SLC35D4: variants seen among roughly 807,000 people sequenced by gnomAD.
SLC35D4 encodes the protein UDP-N-acetylglucosamine transporter SLC35D4.
At chr18:23,273,292 A>C in the SLC35D4 span, among the ~76,000 whole-genome samples, 11 of 152,306 alleles carry the variant, frequency 7.2e-5, no homozygotes, top group Admixed American at 5.2e-4. Flanking sequence ...TTGAAGAGGA[A>C]GTACTCCTCG....
chr18:23,355,171 AC>A, the SLC35D4 span, among the ~76,000 whole-genome samples: 2 of 152,228 alleles, frequency 1.3e-5, no homozygotes, highest in African/African-American at 2.4e-5. Context: ...TAACAGAGTC[AC>A]ATCAATTCAA....
At chr18:23,398,249 A>G in the SLC35D4 span, among the ~76,000 whole-genome samples, 1 of 152,250 alleles carries the variant, frequency 6.6e-6, no homozygotes, top group Non-Finnish European at 1.5e-5. Flanking sequence ...CTGGAAGCCT[A>G]TGAAAAAAAG....
the SLC35D4 span, among the ~76,000 whole-genome samples, chr18:23,411,329 G>C: frequency 6.9e-6 from 1 of 144,954 alleles, no homozygotes; most frequent in Non-Finnish European, 1.5e-5. Context: ...GGAAGAGAAG[G>C]GAAGGGAAAG....
chr18:23,370,785 C>G, the SLC35D4 span, among the ~76,000 whole-genome samples: 1 of 152,068 alleles, frequency 6.6e-6, no homozygotes, highest in South Asian at 2.1e-4. Flanking sequence ...GGATATCTTC[C>G]CACCATTTCT....
the SLC35D4 span, among the ~76,000 whole-genome samples, chr18:23,287,894 T>C: frequency 6.6e-6 from 1 of 152,250 alleles, no homozygotes; most frequent in African/African-American, 2.4e-5. Context: ...AGGCTGGCCA[T>C]CATGTCTCCA....
chr18:23,437,590 C>T, the SLC35D4 span, among the ~76,000 whole-genome samples: 2 of 152,148 alleles, frequency 1.3e-5, no homozygotes, highest in Admixed American at 6.6e-5. Context: ...GTGCAGGAAA[C>T]GGGGACAGTA....
chr18:23,260,469 T>G, the SLC35D4 span: 1 of 152,338 alleles, frequency 6.6e-6, no homozygotes, highest in African/African-American at 2.4e-5. Flanking sequence ...TTGAATGCTC[T>G]GGCTGCTGAG....
chr18:23,398,604 C>A, the SLC35D4 span, among the ~76,000 whole-genome samples: 31 of 152,300 alleles, frequency 2.0e-4, no homozygotes, highest in African/African-American at 7.0e-4. Context: ...CCCATCTACT[C>A]AAGCTTATGA....
chr18:23,269,022 G>A, the SLC35D4 span, among the ~76,000 whole-genome samples: 26 of 152,184 alleles, frequency 1.7e-4, no homozygotes, highest in African/African-American at 5.3e-4. Context: ...TCACCGTTCC[G>A]TGGCCCAATG....
the SLC35D4 span, among the ~76,000 whole-genome samples, chr18:23,386,905 C>T: frequency 3.9e-5 from 6 of 151,964 alleles, no homozygotes; most frequent in Non-Finnish European, 5.9e-5. Context: ...ATTCTGTTGC[C>T]TTGTTTTTCA....
the SLC35D4 span, among the ~76,000 whole-genome samples, chr18:23,371,940 T>TTTTTTTTTTG: frequency 8.1e-5 from 2 of 24,586 alleles, no homozygotes; most frequent in Non-Finnish European, 2.3e-4. Flanking sequence ...TTTTTGTTTT[T>TTTTTTTTTTG]TTTTTTTTTT....
the SLC35D4 span, among the ~76,000 whole-genome samples, chr18:23,368,095 T>C: frequency 2.1e-4 from 32 of 152,158 alleles, no homozygotes; most frequent in Admixed American, 9.2e-4. Context: ...CAAATACACC[T>C]TCAGAATAAC....
chr18:23,291,013 G>A, the SLC35D4 span, among the ~76,000 whole-genome samples: 2 of 152,152 alleles, frequency 1.3e-5, no homozygotes, highest in Non-Finnish European at 2.9e-5. Flanking sequence ...CATCTCATTC[G>A]TGGTTATATC....
chr18:23,399,600 A>G, the SLC35D4 span: 1 of 1,613,886 alleles, frequency 6.2e-7, no homozygotes, highest in African/African-American at 1.3e-5. Flanking sequence ...AGCATAGATT[A>G]TACCCACAAA....
the SLC35D4 span, among the ~76,000 whole-genome samples, chr18:23,363,244 C>T: frequency 6.8e-5 from 3 of 43,990 alleles, 1 homozygote; most frequent in Admixed American, 7.6e-4. Context: ...CAGAGCAAGA[C>T]TCTGTCTCAA....
the SLC35D4 span, among the ~76,000 whole-genome samples, chr18:23,416,505 G>A: frequency 6.6e-6 from 1 of 152,194 alleles, no homozygotes; most frequent in East Asian, 1.9e-4. Flanking sequence ...CAGGAGGAAA[G>A]AGCAGCCACA....
At chr18:23,436,950 C>T in the SLC35D4 span, among the ~76,000 whole-genome samples, 1 of 152,140 alleles carries the variant, frequency 6.6e-6, no homozygotes, top group Admixed American at 6.5e-5. Flanking sequence ...AAAGGAAGAG[C>T]GGGGAGCAGG....
the SLC35D4 span, chr18:23,257,097 C>T: frequency 9.8e-7 from 1 of 1,021,074 alleles, no homozygotes; most frequent in Admixed American, 2.6e-5. Context: ...CTTTCTTCCT[C>T]CACAGAGCTT....
chr18:23,378,036 T>C, the SLC35D4 span, among the ~76,000 whole-genome samples: 2 of 151,748 alleles, frequency 1.3e-5, no homozygotes, highest in Admixed American at 6.6e-5. Context: ...TATCTATCCA[T>C]TTATCTATCT....
Sources: allele counts gnomAD v4.1 joint callset (sites outside exome capture counted in the v4.1 genomes callset), GRCh38; gene constraint gnomAD v4.1.1; transcripts MANE v1.5; gene names NCBI Gene and HGNC (gene_info 2026-07-23, HGNC 2026-07-21).